The following WWOX variants were observed in gnomAD, a reference collection of about 807,000 sequenced individuals.
The protein encoded by WWOX is WW domain-containing oxidoreductase.
Under a neutral mutation model 46.2 loss-of-function variants are expected in WWOX, and 69 were observed. The observed-to-expected ratio is 1.49, with a 90% CI of 1.23 to 1.82. WWOX has a LOEUF of 1.82. Among genes scored for constraint, WWOX ranks in the 40% most tolerant of loss-of-function variants. The pLI, the probability that WWOX is intolerant of heterozygous loss-of-function variation, is 0.00. For synonymous variants in WWOX, 359 were observed against 202.6 expected, an observed-to-expected ratio of 1.77 and a Z score of -6.56; for missense variants, 919 against 542.6, an observed-to-expected ratio of 1.69 and a Z score of -6.89.
At chr16:79,165,727 C>G (rs1443096244) in intron 8 of WWOX, among the ~76,000 whole-genome samples, 1 of 152,158 alleles carries the variant, frequency 6.6e-6, no homozygotes, top group Non-Finnish European at 1.5e-5. Flanking sequence ...TTTACTCTGT[C>G]AGGGTGAAAA....
intron 2 of WWOX, among the ~76,000 whole-genome samples, chr16:78,109,040 A>C (rs1375289227): frequency 6.6e-6 from 1 of 152,166 alleles, no homozygotes; most frequent in African/African-American, 2.4e-5. Flanking sequence ...GAGGCCTTTG[A>C]TTCACAGTTT....
At chr16:78,104,018 C>G (rs2031973485) in intron 1 of WWOX, among the ~76,000 whole-genome samples, 1 of 152,060 alleles carries the variant, frequency 6.6e-6, no homozygotes, top group Non-Finnish European at 1.5e-5. Flanking sequence ...TTCTACCCCT[C>G]TCCCCTCACA....
chr16:78,714,525 A>T (rs2048518594), intron 8 of WWOX, among the ~76,000 whole-genome samples: 1 of 151,974 alleles, frequency 6.6e-6, no homozygotes, highest in African/African-American at 2.4e-5. Context: ...TTTGGTGGGG[A>T]CACAGACACA....
intron 6 of WWOX, among the ~76,000 whole-genome samples, chr16:78,409,926 C>G (rs1233444484): frequency 1.3e-5 from 2 of 152,186 alleles, no homozygotes; most frequent in African/African-American, 4.8e-5. Flanking sequence ...CTAGCATGAG[C>G]TCCCTGTCTC....
At chr16:78,519,214 C>A (rs914797386) in intron 8 of WWOX, among the ~76,000 whole-genome samples, 1 of 152,120 alleles carries the variant, frequency 6.6e-6, no homozygotes, top group Non-Finnish European at 1.5e-5. Context: ...CCTTACCCAG[C>A]TGTGAAGATT....
chr16:78,879,510 A>T (rs1477812391), intron 8 of WWOX, among the ~76,000 whole-genome samples: 1 of 152,200 alleles, frequency 6.6e-6, no homozygotes, highest in Non-Finnish European at 1.5e-5. Flanking sequence ...CTCAAAAAAA[A>T]AAAAAAATTT....
intron 8 of WWOX, among the ~76,000 whole-genome samples, chr16:78,788,672 G>T (rs2550593): frequency 0.72 from 109,529 of 152,152 alleles, 39,499 homozygotes; most frequent in Admixed American, 0.77. Flanking sequence ...AAGCAGTAAG[G>T]GGTAGCAAGT....
intron 6 of WWOX, among the ~76,000 whole-genome samples, chr16:78,416,065 T>C (rs1019748083): frequency 1.3e-5 from 2 of 152,218 alleles, no homozygotes; most frequent in African/African-American, 4.8e-5. Flanking sequence ...GACAACCTTT[T>C]CTGCCCTTAA....
chr16:78,973,359 G>A (rs752485478), intron 8 of WWOX, among the ~76,000 whole-genome samples: 1 of 152,018 alleles, frequency 6.6e-6, no homozygotes, highest in Non-Finnish European at 1.5e-5. Context: ...ATAAAAGGGA[G>A]AAAAATAGAA....
chr16:78,457,345 C>T (rs567399365), intron 8 of WWOX, among the ~76,000 whole-genome samples: 10 of 152,302 alleles, frequency 6.6e-5, no homozygotes, highest in Admixed American at 1.3e-4. Context: ...TACTTGTTCT[C>T]TTGGTTCCTT....
Position 78,549,804 on chromosome 16 carries a change from A to G in WWOX, c.1056+117052A>G, listed in dbSNP as rs577484232. Among the ~76,000 whole-genome samples, 3 of 152,340 alleles carry G rather than the reference A, an allele frequency of 2.0e-5. No individual in the cohort carries two copies. The South Asian group carries it at 6.2e-4, about 32-fold the overall frequency. Reference sequence around the variant, plus strand: ...CGTCTTAGATGATCTGAGATATCCAAATACCTGTAACAAACATTTGTATGG... The same window carrying G: ...CGTCTTAGATGATCTGAGATATCCAGATACCTGTAACAAACATTTGTATGG... On this transcript the variant is annotated intron_variant, in intron 8 of 8. Coordinates refer to ENST00000566780, the MANE Select transcript of WWOX (RefSeq NM_016373.4).
intron 8 of WWOX, among the ~76,000 whole-genome samples, chr16:78,827,015 C>T (rs762736819): frequency 2.0e-5 from 3 of 152,250 alleles, no homozygotes; most frequent in East Asian, 3.9e-4. Context: ...CTCCCCGTGT[C>T]GCTTTCCTGC....
At chr16:78,391,834 C>T (rs1448316212) in intron 6 of WWOX, among the ~76,000 whole-genome samples, 1 of 152,124 alleles carries the variant, frequency 6.6e-6, no homozygotes, top group Non-Finnish European at 1.5e-5. Flanking sequence ...GACTCTGTCT[C>T]AAACAAATTA....
At chr16:78,979,779 A>G (rs1166004304) in intron 8 of WWOX, among the ~76,000 whole-genome samples, 1 of 152,128 alleles carries the variant, frequency 6.6e-6, no homozygotes, top group Non-Finnish European at 1.5e-5. Flanking sequence ...GCAGCAGGAA[A>G]ACTGCACTGC....
chr16:78,109,519 C>T (rs888114903), intron 2 of WWOX, among the ~76,000 whole-genome samples: 3 of 152,176 alleles, frequency 2.0e-5, no homozygotes, highest in African/African-American at 7.2e-5. Context: ...TTGGCACAAC[C>T]AGTATGGTTT....
chr16:78,855,553 C>T (rs139394466), intron 8 of WWOX, among the ~76,000 whole-genome samples: 19 of 152,286 alleles, frequency 1.2e-4, no homozygotes, highest in Middle Eastern at 3.4e-3. Flanking sequence ...AAAATTTCCC[C>T]AAGCACTTTG....
intron 8 of WWOX, among the ~76,000 whole-genome samples, chr16:78,906,187 C>T (rs571693603): frequency 6.6e-6 from 1 of 152,272 alleles, no homozygotes; most frequent in South Asian, 2.1e-4. Flanking sequence ...TCTGGGGCAG[C>T]AGAGAGCCAC....
In WWOX at chr16:78,127,782, T is replaced by C. The variant is rs116633915; in HGVS notation, c.409+12628T>C. On this transcript the variant is annotated intron_variant, in intron 4 of 8. Coordinates refer to ENST00000566780, the MANE Select transcript of WWOX (RefSeq NM_016373.4). ...TATTTTTTTGATCATATCCAAAAAG[T>C]GTCAGTGTTTGAATATAGTTTTATT... Among the ~76,000 whole-genome samples, 1,261 of 152,272 alleles carry C rather than the reference T, an allele frequency of 8.3e-3. 16 individuals carry two copies. Among genetic ancestry groups the C allele is most frequent in the African/African-American group, 0.029 (1,195 of 41,532 alleles).
chr16:78,372,342 G>T (rs559200989), intron 5 of WWOX, among the ~76,000 whole-genome samples: 21 of 152,278 alleles, frequency 1.4e-4, no homozygotes, highest in African/African-American at 4.8e-4. Flanking sequence ...TTTCAGAAAG[G>T]CAGCCCATTC....
Sources: allele counts gnomAD v4.1 joint callset (sites outside exome capture counted in the v4.1 genomes callset), GRCh38; gene constraint gnomAD v4.1.1; transcripts MANE v1.5; gene names NCBI Gene and HGNC (gene_info 2026-07-23, HGNC 2026-07-21).